The following TGS1 variants were observed in gnomAD, a reference collection of about 807,000 sequenced individuals.
The protein encoded by TGS1 is trimethylguanosine synthase.
A neutral mutation model predicts 92.2 loss-of-function variants in TGS1; 69 were observed. The ratio of observed to expected loss-of-function variants is 0.75; its 90% CI spans 0.62 to 0.91. TGS1 has a LOEUF of 0.91. Among genes scored for constraint, TGS1 ranks in the 40% least tolerant of loss-of-function variants. The probability of loss-of-function intolerance (pLI) is 0.00; values close to 1 mark genes in which losing one functional copy is unlikely to be tolerated. For synonymous variants in TGS1, 345 were observed against 338.1 expected, an observed-to-expected ratio of 1.02 and a Z score of -0.22; for missense variants, 1,062 against 1,001.2, an observed-to-expected ratio of 1.06 and a Z score of -0.82.
At chr8:55,801,776 A>G (rs904017638) in intron 8 of TGS1, among the ~76,000 whole-genome samples, 2 of 151,216 alleles carry the variant, frequency 1.3e-5, no homozygotes, top group African/African-American at 4.9e-5. Context: ...TTTAGTAGAG[A>G]TGGGATTTCA....
rs1812044303 is a variant in TGS1, at chr8:55,796,164, T to C, written c.1542+12T>C. 4 of 1,584,162 alleles carry C rather than the reference T, an allele frequency of 2.5e-6. No individual in the cohort carries two copies. In the African/African-American group the frequency reaches 5.4e-5, roughly 21 times the overall value. On this transcript the variant is annotated intron_variant, in intron 7 of 12. Transcript: ENST00000260129. ...AAATTCTGAGTAAGGTATGTATAAA[T>C]TTTGTTGCATATTTGTAGATAGAAT...
chr8:55,785,948 G>T (rs142771252), intron 3 of TGS1, 57 bp downstream of exon 3: 3 of 1,406,320 alleles, frequency 2.1e-6, no homozygotes, highest in Non-Finnish European at 2.0e-6. Context: ...ATAAAATATC[G>T]CAAGGAATTA....
chr8:55,821,083 G>A (rs1204889960), intron 12 of TGS1, among the ~76,000 whole-genome samples: 6 of 151,980 alleles, frequency 3.9e-5, no homozygotes, highest in African/African-American at 1.2e-4. Flanking sequence ...ATGTGAAAAC[G>A]TACAAAAAGG....
chr8:55,824,541 C>A, intron 12 of TGS1, 40 bp from the exon 13 acceptor site: 1 of 1,612,320 alleles, frequency 6.2e-7, no homozygotes, highest in Non-Finnish European at 8.5e-7. Flanking sequence ...TGAAATTATG[C>A]TTAGGTGTGT....
chr8:55,818,579 C>G (rs908760773), intron 12 of TGS1, among the ~76,000 whole-genome samples: 2 of 152,212 alleles, frequency 1.3e-5, no homozygotes, highest in African/African-American at 2.4e-5. Context: ...TTTGCTGCTG[C>G]ACAATTAGAG....
intron 12 of TGS1, among the ~76,000 whole-genome samples, chr8:55,813,475 G>A (rs942502386): frequency 6.6e-6 from 1 of 152,180 alleles, no homozygotes; most frequent in Non-Finnish European, 1.5e-5. Flanking sequence ...AGAGAGATTT[G>A]ATGATATCTT....
Position 55,816,930 on chromosome 8 carries a change from G to A in TGS1, c.2439+3812G>A, listed in dbSNP as rs549952727. Among the ~76,000 whole-genome samples the A allele has an allele frequency of 1.5e-3, 226 of 151,268 alleles. 1 individual carries two copies. The highest frequency in any genetic ancestry group is 5.2e-3 in the African/African-American group (212 of 41,112). On this transcript the variant is annotated intron_variant, in intron 12 of 12. Transcript: ENST00000260129. ...GGCCAGAGTGCAGTGGTGCGATCTC[G>A]GCTTACTGCAACCTCTGCCTGCCTC...
chr8:55,819,686 T>C (rs978135494), intron 12 of TGS1, among the ~76,000 whole-genome samples: 3 of 152,156 alleles, frequency 2.0e-5, no homozygotes, highest in African/African-American at 7.2e-5. Context: ...AGAAATCTCA[T>C]TTCTGTTTAC....
rs532237776 is a variant in TGS1, at chr8:55,801,028, C to T, written c.1850-1429C>T. ...TCTCTGAATGAATGAGATCCTTTTC[C>T]GTGGAATGGAGCTAGTGACCCTTGT... On this transcript the variant is annotated intron_variant, in intron 8 of 12. Coordinates refer to ENST00000260129, the MANE Select transcript of TGS1 (RefSeq NM_024831.8). 6.6e-5 allele frequency among the ~76,000 whole-genome samples: 10 copies of T among 152,260 alleles called. No homozygotes were observed. The East Asian group carries it at 7.7e-4, about 12-fold the overall frequency.
At chr8:55,824,288 A>AT (rs1803732925) in intron 12 of TGS1, among the ~76,000 whole-genome samples, 1 of 152,114 alleles carries the variant, frequency 6.6e-6, no homozygotes, top group African/African-American at 2.4e-5. Flanking sequence ...GGATTTGTTC[A>AT]TTTTTTTCTT....
Position 55,786,819 on chromosome 8 carries a change from T to C in TGS1, c.921T>C (p.Ser307=), listed in dbSNP as rs1585761549. The C allele has an allele frequency of 6.2e-7, 1 of 1,614,162 alleles. No homozygotes were observed. Among genetic ancestry groups the C allele is most frequent in the South Asian group, 1.1e-5 (1 of 91,082 alleles). The change falls in exon 4 of 13, where the codon TCT becomes TCC. Residue 307 remains serine, a synonymous_variant. Coordinates refer to ENST00000260129, the MANE Select transcript of TGS1 (RefSeq NM_024831.8). Reference sequence around the variant, plus strand: ...CTATTATGGTTGATAATGATAGCTCTGGTACAAGTGATAAGGATCATAGTG... The same window carrying C: ...CTATTATGGTTGATAATGATAGCTCCGGTACAAGTGATAAGGATCATAGTG... ...SSPIMVDNDS[S]GTSDKDHSEI...
chr8:55,788,343 A>G (rs1404975861), intron 4 of TGS1, among the ~76,000 whole-genome samples: 1 of 152,204 alleles, frequency 6.6e-6, no homozygotes, highest in South Asian at 2.1e-4. Flanking sequence ...GACAGTTTCT[A>G]AAGAGCTCTG....
chr8:55,822,940 C>G (rs1291709786), intron 12 of TGS1, among the ~76,000 whole-genome samples: 1 of 152,192 alleles, frequency 6.6e-6, no homozygotes, highest in African/African-American at 2.4e-5. Context: ...CTGACTGCCT[C>G]TCTTTACAAA....
chr8:55,800,256 T>C (rs777613105), intron 8 of TGS1, among the ~76,000 whole-genome samples: 6 of 152,226 alleles, frequency 3.9e-5, no homozygotes, highest in Non-Finnish European at 8.8e-5. Context: ...TTTATTTTAT[T>C]ATCAATGTTA....
chr8:55,784,186 T>C (rs1180747470), intron 2 of TGS1, among the ~76,000 whole-genome samples: 1 of 152,190 alleles, frequency 6.6e-6, no homozygotes, highest in Non-Finnish European at 1.5e-5. Context: ...TTATCTCACA[T>C]TTTAAAGTTA....
chr8:55,799,785 C>T (rs1259139099), intron 8 of TGS1, among the ~76,000 whole-genome samples: 4 of 152,054 alleles, frequency 2.6e-5, no homozygotes, highest in South Asian at 2.1e-4. Context: ...CACTATATTG[C>T]TGAGGCTGGT....
At chr8:55,806,356 CAAAAAAA>C (rs1047234489) in intron 10 of TGS1, among the ~76,000 whole-genome samples, 19 of 38,992 alleles carry the variant, frequency 4.9e-4, no homozygotes, top group Non-Finnish European at 8.0e-4. Flanking sequence ...GACTCCACCT[CAAAAAAA>C]AAAAAAAAAA....
intron 8 of TGS1, among the ~76,000 whole-genome samples, chr8:55,800,131 CTTAT>C (rs1315875598): frequency 6.6e-6 from 1 of 151,872 alleles, no homozygotes; most frequent in Non-Finnish European, 1.5e-5. Context: ...TGGAAAATAA[CTTAT>C]TTGAGTCTTG....
intron 12 of TGS1, among the ~76,000 whole-genome samples, chr8:55,816,541 G>A (rs914620676): frequency 6.6e-6 from 1 of 152,152 alleles, no homozygotes; most frequent in African/African-American, 2.4e-5. Flanking sequence ...GTACTTTTCA[G>A]GTAAGATAAG....
Sources: allele counts gnomAD v4.1 joint callset (sites outside exome capture counted in the v4.1 genomes callset), GRCh38; gene constraint gnomAD v4.1.1; transcripts MANE v1.5; gene names NCBI Gene and HGNC (gene_info 2026-07-23, HGNC 2026-07-21).